Variants in MSN observed in about 807,000 individuals in gnomAD.
MSN encodes the protein moesin.
A neutral mutation model predicts 48.0 loss-of-function variants in MSN; 2 were observed. That is an observed-to-expected ratio of 0.04 (90% confidence interval 0.02 to 0.13). The LOEUF (loss-of-function observed/expected upper bound fraction) is 0.13. Ranked by LOEUF, MSN falls within the 10% of genes least tolerant of loss-of-function variation. The pLI is 1.00. For missense variants in MSN, 267 were observed against 470.1 expected, an observed-to-expected ratio of 0.57 and a Z score of 3.99; for synonymous variants, 146 against 166.9, an observed-to-expected ratio of 0.87 and a Z score of 0.97.
At chrX:65,689,506 A>G (rs139904887) in intron 1 of MSN, among the ~76,000 whole-genome samples, 1 of 111,579 alleles carries the variant, frequency 9.0e-6, no homozygotes, top group African/African-American at 3.3e-5. Context: ...ACCCACCAGA[A>G]ACAGGTGATA....
In MSN at chrX:65,593,399, C is replaced by T. The variant is rs774888910; in HGVS notation, c.-22+4787C>T. Reference sequence around the variant, plus strand: ...TGTGAGAATAATTCTGTTTAAAAAACTTTTAAATAAAATATCCTTCAAAAT... The same window carrying T: ...TGTGAGAATAATTCTGTTTAAAAAATTTTTAAATAAAATATCCTTCAAAAT... On this transcript the variant is annotated intron_variant, in intron 1 of 3. Coordinates refer to the MSN transcript ENST00000609672. 3.6e-5 allele frequency: 4 copies of T among 112,292 alleles called. No homozygotes were observed. The East Asian group carries it at 1.1e-3, about 31-fold the overall frequency. The allele number at this position is 112,292 out of a possible 1,213,427, so 9.3% of individuals were successfully genotyped here.
At chrX:65,664,752 C>CT (rs1406578094), upstream of MSN, among the ~76,000 whole-genome samples, 661 of 93,948 alleles carry the variant, frequency 7.0e-3, 8 homozygotes, top group African/African-American at 0.022. Context: ...TGCCCCCTTT[C>CT]TTTTTTTTTT....
At chrX:65,618,226 C>G (rs924208534) in intron 1 of MSN, among the ~76,000 whole-genome samples, 1 of 111,505 alleles carries the variant, frequency 9.0e-6, no homozygotes, top group African/African-American at 3.3e-5. Flanking sequence ...ATTAGGTCCG[C>G]TTGGTGCAGA....
rs780323497 is a variant in MSN at position 65,633,777 on chromosome X, G to T, written c.-22+45165G>T. On this transcript the variant is annotated intron_variant, in intron 1 of 3. Coordinates refer to the MSN transcript ENST00000609672. ...TAAAGGTATTTGTAATAATAGGAAG[G>T]AACCTTTCTCACACTTGTATTTTTC... Among the ~76,000 whole-genome samples the T allele has an allele frequency of 8.9e-5, 10 of 112,045 alleles. No individual in the cohort carries two copies. In the East Asian group the frequency reaches 2.5e-3, roughly 28 times the overall value.
At chrX:65,617,149 G>A (rs901319613) in intron 1 of MSN, among the ~76,000 whole-genome samples, 1 of 105,828 alleles carries the variant, frequency 9.4e-6, no homozygotes, top group South Asian at 3.8e-4. Flanking sequence ...GTTCATCAAG[G>A]ATATTGGTCT....
chrX:65,714,364 T>C (rs1008072201), intron 1 of MSN, among the ~76,000 whole-genome samples: 14 of 112,067 alleles, frequency 1.2e-4, no homozygotes, highest in Admixed American at 3.8e-4. Context: ...AATGGTAGTT[T>C]TGTTTTCAGG....
chrX:65,709,761 G>A (rs1357950886), intron 1 of MSN, among the ~76,000 whole-genome samples: 1 of 112,723 alleles, frequency 8.9e-6, no homozygotes, highest in Admixed American at 9.4e-5. Context: ...ACACTGGCTT[G>A]CTTCCTTTGA....
At chrX:65,667,497 C>G (rs766938251), upstream of MSN, 29 of 386,518 alleles carry the variant, frequency 7.5e-5, no homozygotes, top group African/African-American at 6.4e-4. Flanking sequence ...CCGGGCCCAG[C>G]CGGGCCCCCC....
At chrX:65,617,917 C>T (rs1464582695) in intron 1 of MSN, among the ~76,000 whole-genome samples, 4 of 109,031 alleles carry the variant, frequency 3.7e-5, no homozygotes, top group Admixed American at 2.0e-4. Flanking sequence ...TCTTTGTTCT[C>T]GTTGGTTTCA....
At chrX:65,618,944 T>G (rs1219420967) in intron 1 of MSN, among the ~76,000 whole-genome samples, 1 of 108,150 alleles carries the variant, frequency 9.2e-6, no homozygotes, top group Non-Finnish European at 1.9e-5. Context: ...CTATAAAGTA[T>G]TTTATTTCTC....
At chrX:65,671,432 T>A (rs1053358611) in intron 1 of MSN, among the ~76,000 whole-genome samples, 2 of 111,643 alleles carry the variant, frequency 1.8e-5, no homozygotes, top group Non-Finnish European at 3.8e-5. Flanking sequence ...TCAGCTAAAC[T>A]TTAACAGGGA....
intron 1 of MSN, among the ~76,000 whole-genome samples, chrX:65,643,561 G>A (rs1359923302): frequency 8.9e-6 from 1 of 112,146 alleles, no homozygotes; most frequent in East Asian, 2.8e-4. Flanking sequence ...TCTAGCAACT[G>A]TACTCAAGCT....
chrX:65,645,007 T>TAAC (rs1424278813), intron 1 of MSN, among the ~76,000 whole-genome samples: 1 of 112,401 alleles, frequency 8.9e-6, no homozygotes, highest in African/African-American at 3.2e-5. Flanking sequence ...AGAACAGAGC[T>TAAC]AACAATCACT....
chrX:65,599,295 C>CA (rs747060478), intron 1 of MSN, among the ~76,000 whole-genome samples: 71 of 100,274 alleles, frequency 7.1e-4, no homozygotes, highest in South Asian at 1.3e-3. Flanking sequence ...AACTCCGTCT[C>CA]AAAAAAAAAA....
intron 4 of MSN, among the ~76,000 whole-genome samples, chrX:65,730,464 A>G (rs1222311949): frequency 1.8e-5 from 2 of 111,422 alleles, no homozygotes; most frequent in Non-Finnish European, 3.8e-5. Flanking sequence ...CCTCAGTCCC[A>G]TTGGAGTTAT....
At chrX:65,677,928 G>A (rs2071017251) in intron 1 of MSN, among the ~76,000 whole-genome samples, 1 of 111,273 alleles carries the variant, frequency 9.0e-6, no homozygotes, top group South Asian at 3.8e-4. Context: ...AGTGCTTGAA[G>A]AGTTGCTCCA....
intron 1 of MSN, among the ~76,000 whole-genome samples, chrX:65,628,618 C>G (rs923001119): frequency 1.8e-5 from 2 of 111,961 alleles, no homozygotes; most frequent in Admixed American, 9.4e-5. Context: ...AGACATTTTC[C>G]CCCATGGTCT....
intron 1 of MSN, among the ~76,000 whole-genome samples, chrX:65,641,529 C>CAA (rs1215400897): frequency 9.4e-5 from 2 of 21,179 alleles, no homozygotes; most frequent in Admixed American, 7.9e-4. Context: ...GACTCGGTCT[C>CAA]AAAAAAAAAA....
intron 1 of MSN, among the ~76,000 whole-genome samples, chrX:65,621,630 A>T (rs1258992555): frequency 3.6e-5 from 4 of 110,725 alleles, no homozygotes; most frequent in South Asian, 3.7e-4. Context: ...TTAAAAAAAA[A>T]TTTTGAGGAT....
Sources: allele counts gnomAD v4.1 joint callset (sites outside exome capture counted in the v4.1 genomes callset), GRCh38; gene constraint gnomAD v4.1.1; transcripts MANE v1.5; gene names NCBI Gene and HGNC (gene_info 2026-07-23, HGNC 2026-07-21).